The following CSMD2 variants were observed in gnomAD, a reference collection of about 807,000 sequenced individuals.
The protein encoded by CSMD2 is CUB and sushi domain-containing protein 2.
Under a neutral mutation model 398.5 loss-of-function variants are expected in CSMD2, and 130 were observed. The ratio of observed to expected loss-of-function variants is 0.33; its 90% confidence interval spans 0.28 to 0.38. CSMD2 has a LOEUF of 0.38. Ranked by LOEUF, CSMD2 falls within the 10% of genes least tolerant of loss-of-function variation. The probability of loss-of-function intolerance (pLI) is 1.00; values close to 1 mark genes in which losing one functional copy is unlikely to be tolerated. For synonymous variants in CSMD2, 1,828 were observed against 1,908.5 expected (o/e 0.96, Z 1.10); for missense variants, 3,829 against 4,764.9 (o/e 0.80, Z 5.78).
chr1:33,976,026 A>T (rs914071894), intron 3 of CSMD2, among the ~76,000 whole-genome samples: 1 of 152,186 alleles, frequency 6.6e-6, no homozygotes, highest in Non-Finnish European at 1.5e-5. Flanking sequence ...TTATATCCTC[A>T]CATATTTCAT....
At chr1:33,539,007 G>A (rs374904487) in intron 60 of CSMD2, among the ~76,000 whole-genome samples, 6 of 151,770 alleles carry the variant, frequency 4.0e-5, no homozygotes, top group African/African-American at 7.3e-5. Context: ...TCACTCTGTC[G>A]CCCAGGCTGG....
chr1:34,161,765 A>G (rs1641349726), intron 1 of CSMD2, among the ~76,000 whole-genome samples: 1 of 152,282 alleles, frequency 6.6e-6, no homozygotes, highest in African/African-American at 2.4e-5. Flanking sequence ...AGTGACTAAA[A>G]GACAAAAAGA....
intron 2 of CSMD2, among the ~76,000 whole-genome samples, chr1:34,039,266 T>A (rs571597484): frequency 1.1e-4 from 16 of 152,276 alleles, no homozygotes; most frequent in African/African-American, 3.8e-4. Context: ...TGAAGGTCAC[T>A]GTTGCCAGGA....
chr1:34,079,874 T>G (rs1318031119), intron 2 of CSMD2, among the ~76,000 whole-genome samples: 1 of 152,022 alleles, frequency 6.6e-6, no homozygotes, highest in Non-Finnish European at 1.5e-5. Context: ...TAGAAAGCAT[T>G]AAGTATAATA....
At chr1:33,780,444 T>C (rs1652587949) in intron 12 of CSMD2, among the ~76,000 whole-genome samples, 1 of 152,178 alleles carries the variant, frequency 6.6e-6, no homozygotes, top group Non-Finnish European at 1.5e-5. Flanking sequence ...AATGGAGGTA[T>C]GGCTGGATGA....
At chr1:34,119,539 C>A (rs1661956260) in intron 1 of CSMD2, among the ~76,000 whole-genome samples, 1 of 151,600 alleles carries the variant, frequency 6.6e-6, no homozygotes, top group African/African-American at 2.4e-5. Context: ...AGTGGCTATA[C>A]AGAATATACA....
chr1:33,671,745 TACC>T (rs1257351131), intron 25 of CSMD2, among the ~76,000 whole-genome samples: 3 of 152,144 alleles, frequency 2.0e-5, no homozygotes, highest in African/African-American at 7.2e-5. Context: ...GGAGATTTTC[TACC>T]AGAGCCTAAA....
chr1:34,109,845 C>G (rs1660874758), intron 1 of CSMD2, among the ~76,000 whole-genome samples: 1 of 151,802 alleles, frequency 6.6e-6, no homozygotes, highest in African/African-American at 2.4e-5. Context: ...CAAGACCAGT[C>G]TGGCCAACAT....
chr1:33,688,286 A>T (rs1293809508), intron 25 of CSMD2, among the ~76,000 whole-genome samples: 3 of 152,198 alleles, frequency 2.0e-5, no homozygotes, highest in Non-Finnish European at 4.4e-5. Context: ...GTGACATATG[A>T]TTAAGAGGTA....
chr1:34,098,468 G>T (rs1194707058), intron 1 of CSMD2, among the ~76,000 whole-genome samples: 1 of 150,054 alleles, frequency 6.7e-6, no homozygotes, highest in Non-Finnish European at 1.5e-5. Flanking sequence ...AAGAAAAATA[G>T]ATTGTCACAA....
At chr1:33,656,763 C>A (rs1643960071) in intron 27 of CSMD2, among the ~76,000 whole-genome samples, 1 of 152,138 alleles carries the variant, frequency 6.6e-6, no homozygotes, top group Non-Finnish European at 1.5e-5. Flanking sequence ...ACAAGATATC[C>A]AAATTTGTCT....
chr1:33,592,187 A>G (rs1430905241), intron 44 of CSMD2: 3 of 553,668 alleles, frequency 5.4e-6, no homozygotes, highest in Non-Finnish European at 9.7e-6. Flanking sequence ...GGGCCATCAG[A>G]AACCAAGGAA....
In CSMD2 at chr1:33,768,536, A is replaced by ATGTG. The variant is rs60273744; in HGVS notation, c.1846+4029_1846+4032dup. 7.8e-3 allele frequency among the ~76,000 whole-genome samples: 1,113 copies of ATGTG among 142,220 alleles called. 6 individuals carry two copies. Among genetic ancestry groups the ATGTG allele is most frequent in the East Asian group, 0.016 (79 of 4,828 alleles). The allele number at this position is 142,220 out of a possible 152,430, so 93.3% of individuals were successfully genotyped here. On this transcript the variant is annotated intron_variant, in intron 13 of 70. Transcript: ENST00000373381. ...AATTCATCCCGGAATGTGTGCGTGC[A>ATGTG]TGTGTGTGTGTGTGTGTGTGTGTGT... is the stretch of plus-strand genomic sequence containing the variant.
intron 14 of CSMD2, among the ~76,000 whole-genome samples, chr1:33,741,278 C>A (rs537971535): frequency 6.6e-6 from 1 of 152,162 alleles, no homozygotes; most frequent in South Asian, 2.1e-4. Context: ...TGACACTGGG[C>A]AAATTCAAGC....
chr1:33,820,268 C>A lies in CSMD2; in HGVS notation c.1199+201G>T, dbSNP rs116960716. Among the ~76,000 whole-genome samples the A allele has an allele frequency of 3.2e-3, 486 of 152,238 alleles. 11 individuals are homozygous for A. In the East Asian group the frequency reaches 0.042, roughly 13 times the overall value. On this transcript the variant is annotated intron_variant, in intron 8 of 70. Coordinates refer to ENST00000373381, the MANE Select transcript of CSMD2 (RefSeq NM_001281956.2). ...TAACACTGGCAGTCTACAGTTCTCT[C>A]CCCCCACTAAAGCATGGGCACTATG...
At chr1:34,001,396 G>A (rs1646896102) in intron 3 of CSMD2, among the ~76,000 whole-genome samples, 1 of 152,070 alleles carries the variant, frequency 6.6e-6, no homozygotes, top group Admixed American at 6.5e-5. Context: ...ACATTTCAAG[G>A]GAAAAGAATG....
At chr1:33,923,093 T>C (rs1644004386) in intron 4 of CSMD2, among the ~76,000 whole-genome samples, 1 of 152,178 alleles carries the variant, frequency 6.6e-6, no homozygotes, top group African/African-American at 2.4e-5. Context: ...TTAAAAAATT[T>C]ATTGTTATAA....
chr1:33,581,529 C>CAA (rs59068586), intron 47 of CSMD2, among the ~76,000 whole-genome samples: 4,316 of 36,580 alleles, frequency 0.12, 544 homozygotes, highest in East Asian at 0.21. Context: ...GACTCAGTCT[C>CAA]AAAAAAAAAA....
At chr1:33,820,422 G>A in intron 8 of CSMD2, 47 bp downstream of exon 8, 1 of 1,329,488 alleles carries the variant, frequency 7.5e-7, no homozygotes, top group South Asian at 1.2e-5. Context: ...TCCCAGCCAG[G>A]CCACCCCACC....
Sources: gnomAD v4.1 joint callset for allele counts (sites outside exome capture counted in the v4.1 genomes callset) on GRCh38, gnomAD v4.1.1 for gene constraint, MANE v1.5 for transcripts, NCBI Gene and HGNC (gene_info 2026-07-23, HGNC 2026-07-21) for gene names.